The following RNF216 variants were observed in gnomAD, a reference collection of about 807,000 sequenced individuals.
The protein encoded by RNF216 is ring finger protein 216.
Under a neutral mutation model 110.8 loss-of-function variants are expected in RNF216, and 72 were observed. The observed-to-expected ratio is 0.65, with a 90% CI of 0.54 to 0.79. The LOEUF is 0.79. Among genes scored for constraint, RNF216 ranks in the 30% least tolerant of loss-of-function variants. The probability of loss-of-function intolerance (pLI) is 0.00; values close to 1 mark genes in which losing one functional copy is unlikely to be tolerated. For missense variants in RNF216, 1,342 were observed against 1,141.2 expected (o/e 1.18, Z -2.54); for synonymous variants, 495 against 407.5 (o/e 1.21, Z -2.59).
intron 3 of RNF216, among the ~76,000 whole-genome samples, chr7:5,748,209 T>C (rs1795139563): frequency 6.6e-6 from 1 of 152,164 alleles, no homozygotes; most frequent in South Asian, 2.1e-4. Context: ...CTTAAACCAG[T>C]TTCTGCCAGC....
intron 15 of RNF216, among the ~76,000 whole-genome samples, chr7:5,637,636 T>C (rs1334631631): frequency 2.6e-5 from 4 of 152,088 alleles, no homozygotes; most frequent in Non-Finnish European, 4.4e-5. Context: ...ATCCCTAACG[T>C]CCCGGGCTAA....
At chr7:5,712,450 G>T (rs1303168302) in intron 12 of RNF216, among the ~76,000 whole-genome samples, 1 of 151,570 alleles carries the variant, frequency 6.6e-6, no homozygotes, top group East Asian at 1.9e-4. Context: ...TCCAGCCTGG[G>T]CGACAGAGCG....
At chr7:5,754,175 G>C (rs932904859) in intron 2 of RNF216, among the ~76,000 whole-genome samples, 4 of 142,352 alleles carry the variant, frequency 2.8e-5, no homozygotes, top group Non-Finnish European at 6.1e-5. Context: ...CATTTGTCTG[G>C]GACAGGGTCT....
At chr7:5,720,258 C>T (rs1175004364) in intron 9 of RNF216, among the ~76,000 whole-genome samples, 1 of 152,138 alleles carries the variant, frequency 6.6e-6, no homozygotes, top group Non-Finnish European at 1.5e-5. Flanking sequence ...ACAGCAAAAC[C>T]AACACACCCC....
chr7:5,730,033 T>C (rs1354196649), intron 6 of RNF216, among the ~76,000 whole-genome samples: 3 of 152,216 alleles, frequency 2.0e-5, no homozygotes, highest in Non-Finnish European at 2.9e-5. Context: ...ATGACAATGA[T>C]TGAAGTTTTT....
chr7:5,628,488 C>T (rs552738212), intron 15 of RNF216, among the ~76,000 whole-genome samples: 129 of 152,078 alleles, frequency 8.5e-4, no homozygotes, highest in African/African-American at 2.7e-3. Context: ...AAAAAAATTA[C>T]GCTTTTAGCT....
chr7:5,703,486 C>A (rs1448766840), intron 13 of RNF216, among the ~76,000 whole-genome samples: 1 of 152,212 alleles, frequency 6.6e-6, no homozygotes. Flanking sequence ...GCTGCAGATG[C>A]CTGTTTTTTA....
At chr7:5,722,109 G>A (rs989693448) in intron 8 of RNF216, among the ~76,000 whole-genome samples, 1 of 152,036 alleles carries the variant, frequency 6.6e-6, no homozygotes, top group Non-Finnish European at 1.5e-5. Flanking sequence ...TATTTTTTTA[G>A]AGATGGGATT....
intron 13 of RNF216, among the ~76,000 whole-genome samples, chr7:5,678,487 C>T (rs1190964727): frequency 1.3e-5 from 2 of 152,210 alleles, no homozygotes; most frequent in Non-Finnish European, 2.9e-5. Flanking sequence ...CCCCACATGA[C>T]CTGGTGGTCA....
chr7:5,683,587 T>C (rs1466636629), intron 13 of RNF216, among the ~76,000 whole-genome samples: 1 of 152,172 alleles, frequency 6.6e-6, no homozygotes, highest in African/African-American at 2.4e-5. Flanking sequence ...AGTTTTGTGA[T>C]GGGAGAGAGG....
chr7:5,623,361 G>A (rs1173336739), intron 16 of RNF216, among the ~76,000 whole-genome samples, 182 bp from the exon 17 acceptor site: 1 of 152,098 alleles, frequency 6.6e-6, no homozygotes, highest in African/African-American at 2.4e-5. Context: ...ACTTCCACCA[G>A]TGTCTTGCTC....
chr7:5,780,936 G>A (rs1166535876), intron 1 of RNF216, among the ~76,000 whole-genome samples: 2 of 152,168 alleles, frequency 1.3e-5, no homozygotes, highest in East Asian at 3.9e-4. Context: ...CTCGACGCGG[G>A]GACAGCGGCC....
intron 13 of RNF216, among the ~76,000 whole-genome samples, chr7:5,654,471 G>C (rs1788603851): frequency 6.6e-6 from 1 of 151,908 alleles, no homozygotes; most frequent in Non-Finnish European, 1.5e-5. Flanking sequence ...CAAATCATTT[G>C]AGGTCAGAAG....
chr7:5,695,870 G>GT (rs1233768519), intron 13 of RNF216, among the ~76,000 whole-genome samples: 1 of 152,218 alleles, frequency 6.6e-6, no homozygotes, highest in East Asian at 1.9e-4. Context: ...ACAAAACAAG[G>GT]TATCAAAAGG....
chr7:5,687,165 G>A (rs867849320), intron 13 of RNF216, among the ~76,000 whole-genome samples: 1 of 152,136 alleles, frequency 6.6e-6, no homozygotes, highest in African/African-American at 2.4e-5. Context: ...GGAGGTTGAG[G>A]TGGGCAGATC....
rs369421499 is a variant in RNF216 at position 5,665,972 on chromosome 7, T to C, written c.2062-13462A>G. 1.1e-4 allele frequency among the ~76,000 whole-genome samples: 16 copies of C among 152,084 alleles called. No individual in the cohort carries two copies. In the East Asian group the frequency reaches 1.9e-3, roughly 18 times the overall value. On this transcript the variant is annotated intron_variant, in intron 13 of 16. Coordinates refer to ENST00000389902, the MANE Select transcript of RNF216 (RefSeq NM_207111.4). ...CGAGGTCAGGAGATCGAGACGATCC[T>C]GGCTAACACGGTGAAACCCCGTTTC...
Position 5,741,033 on chromosome 7 carries a change from A to C in RNF216, c.984T>G (p.Ile328Met), listed in dbSNP as rs555745151. ...QESQEPNLEN[I>M]WGQEAAEVDQ... ...CTACCTCTGCAGCTTCTTGCCCCCAAATGTTTTCCAAATTGGGCTCTTGAG... is the reference window on the plus strand; with the variant it reads ...CTACCTCTGCAGCTTCTTGCCCCCACATGTTTTCCAAATTGGGCTCTTGAG... The change falls in exon 4 of 17, where the codon ATT (isoleucine) becomes ATG (methionine). Residue 328 changes from isoleucine to methionine, a missense_variant. Physicochemically the swap from Ile to Met is conservative, Grantham distance 10. Coordinates refer to ENST00000389902, the MANE Select transcript of RNF216 (RefSeq NM_207111.4). 4 of 1,613,956 alleles carry C rather than the reference A, an allele frequency of 2.5e-6. No individual in the cohort carries two copies. The highest frequency in any genetic ancestry group is 1.1e-5 in the South Asian group (1 of 91,024).
intron 9 of RNF216, among the ~76,000 whole-genome samples, chr7:5,720,697 T>C (rs1347138621): frequency 6.6e-6 from 1 of 152,160 alleles, no homozygotes; most frequent in Non-Finnish European, 1.5e-5. Context: ...TAGAAGATAC[T>C]TATTAAACAA....
At chr7:5,752,373 A>G (rs1795376981) in intron 3 of RNF216, among the ~76,000 whole-genome samples, 1 of 152,224 alleles carries the variant, frequency 6.6e-6, no homozygotes, top group Non-Finnish European at 1.5e-5. Context: ...GTTCTTGGTT[A>G]GAAAGAGTAG....
Sources: gnomAD v4.1 joint callset for allele counts (sites outside exome capture counted in the v4.1 genomes callset) on GRCh38, gnomAD v4.1.1 for gene constraint, MANE v1.5 for transcripts, NCBI Gene and HGNC (gene_info 2026-07-23, HGNC 2026-07-21) for gene names.